Variants in CELF2 observed in about 807,000 individuals in gnomAD.
CELF2 encodes CUG triplet repeat RNA-binding protein 2.
Under a neutral mutation model 62.6 loss-of-function variants are expected in CELF2, and 8 were observed. That is an observed-to-expected ratio of 0.13 (90% CI 0.07 to 0.23). CELF2 has a LOEUF of 0.23. CELF2 is among the 10% of genes least tolerant of loss of function. CELF2 has a pLI of 1.00. For synonymous variants in CELF2, 258 were observed against 250.0 expected (o/e 1.03, Z -0.30); for missense variants, 333 against 671.0 (o/e 0.50, Z 5.56).
At chr10:10,807,439 T>C (rs2055348423) in intron 1 of CELF2, among the ~76,000 whole-genome samples, 1 of 152,244 alleles carries the variant, frequency 6.6e-6, no homozygotes, top group Non-Finnish European at 1.5e-5. Context: ...GGGCATTCCA[T>C]TCAAAGCCTT....
At chr10:10,975,282 T>G (rs923848971) in intron 2 of CELF2, among the ~76,000 whole-genome samples, 1 of 152,134 alleles carries the variant, frequency 6.6e-6, no homozygotes, top group Non-Finnish European at 1.5e-5. Flanking sequence ...TACGCCCAGC[T>G]AATTTTTTAA....
the CELF2 span, among the ~76,000 whole-genome samples, chr10:10,689,920 T>C: frequency 6.6e-6 from 1 of 152,086 alleles, no homozygotes; most frequent in South Asian, 2.1e-4. Flanking sequence ...ATTCAACAAG[T>C]ATATGTGGAG....
upstream of CELF2, among the ~76,000 whole-genome samples, chr10:11,003,686 T>C (rs146257752): frequency 5.1e-3 from 781 of 152,310 alleles, 5 homozygotes; most frequent in Admixed American, 0.018. This position sits in a 1 kb window ranked among gnomAD's most constrained non-coding sequence, Gnocchi z 4.4. Context: ...CTCAAACTGT[T>C]TCTCCCTAAG....
chr10:10,920,008 G>T, intron 2 of CELF2: 3 of 1,230,504 alleles, frequency 2.4e-6, no homozygotes, highest in East Asian at 3.2e-5. Flanking sequence ...AGGTGAGCAC[G>T]CTGGCTTTGC....
intron 2 of CELF2, among the ~76,000 whole-genome samples, chr10:10,921,522 C>A (rs2064910916): frequency 6.6e-6 from 1 of 152,232 alleles, no homozygotes; most frequent in South Asian, 2.1e-4. Flanking sequence ...CCTGTCTCGG[C>A]CTCCCAAGGT....
the CELF2 span, among the ~76,000 whole-genome samples, chr10:10,472,184 T>C: frequency 6.6e-6 from 1 of 151,830 alleles, no homozygotes; most frequent in African/African-American, 2.4e-5. Context: ...TCAAAATATT[T>C]TCATGCTTGT....
Position 11,167,670 on chromosome 10 carries a change from T to G in CELF2, c.271+1988T>G, listed in dbSNP as rs1429257674. 3.3e-5 allele frequency among the ~76,000 whole-genome samples: 5 copies of G among 152,236 alleles called. No individual in the cohort carries two copies. In the South Asian group the frequency reaches 6.2e-4, roughly 19 times the overall value. On this transcript the variant is annotated intron_variant, in intron 2 of 12. Coordinates refer to ENST00000633077, the MANE Select transcript of CELF2 (RefSeq NM_001326342.2). ...TGATACTATACATTTTGTTAACTTC[T>G]GTTCACTGTGCCTGATTACTAATTT...
At chr10:10,625,378 G>A in the CELF2 span, among the ~76,000 whole-genome samples, 14 of 152,256 alleles carry the variant, frequency 9.2e-5, no homozygotes, top group East Asian at 1.5e-3. Flanking sequence ...TGATGCTCAC[G>A]GCAACCTTTT....
chr10:11,047,829 G>A (rs1415373324), intron 1 of CELF2, among the ~76,000 whole-genome samples: 1 of 152,018 alleles, frequency 6.6e-6, no homozygotes, highest in Non-Finnish European at 1.5e-5. Flanking sequence ...TTTAGACAAA[G>A]TTTTATTTGT....
chr10:11,328,959 A>G lies in CELF2; in HGVS notation c.1472A>G (p.Gln491Arg), dbSNP rs1231393424. The G allele has an allele frequency of 6.2e-7, 1 of 1,613,168 alleles. No individual in the cohort carries two copies. The highest frequency in any genetic ancestry group is 1.7e-5 in the Admixed American group (1 of 59,982). ...FVSYDNPVSAQAAIQAMNGFQ... is the reference protein window; with the variant it reads ...FVSYDNPVSARAAIQAMNGFQ... ...AGCTACGACAATCCAGTCTCTGCACAAGCTGCTATCCAAGCTATGAATGGC... is the reference window on the plus strand; with the variant it reads ...AGCTACGACAATCCAGTCTCTGCACGAGCTGCTATCCAAGCTATGAATGGC... The change falls in exon 13 of 13, where the codon CAA becomes CGA. Residue 491 changes from glutamine to arginine, a missense_variant. By Grantham distance (43) the Gln-to-Arg change is conservative. This residue lies in a region of CELF2 where 35 missense variants were observed against 128.1 expected (regional missense o/e 0.27). Coordinates refer to ENST00000633077, the MANE Select transcript of CELF2 (RefSeq NM_001326342.2). This position sits in a 1 kb window ranked among gnomAD's most constrained non-coding sequence, Gnocchi z 6.4.
intron 2 of CELF2, among the ~76,000 whole-genome samples, chr10:10,967,064 C>T (rs1241201207): frequency 6.6e-6 from 1 of 152,128 alleles, no homozygotes; most frequent in Non-Finnish European, 1.5e-5. Context: ...ACCGGGCAGC[C>T]CCACGAACAA....
chr10:10,773,128 CTT>C, the CELF2 span, among the ~76,000 whole-genome samples: 1 of 152,160 alleles, frequency 6.6e-6, no homozygotes, highest in East Asian at 1.9e-4. Context: ...TAGGAAATCT[CTT>C]TAAACACAAA....
intron 1 of CELF2, among the ~76,000 whole-genome samples, chr10:10,907,296 A>T (rs2134253475): frequency 6.6e-6 from 1 of 152,340 alleles, no homozygotes; most frequent in African/African-American, 2.4e-5. Flanking sequence ...TTGACTATAA[A>T]TGGCAGATTT....
chr10:10,677,710 G>A, the CELF2 span, among the ~76,000 whole-genome samples: 5 of 152,160 alleles, frequency 3.3e-5, no homozygotes, highest in Admixed American at 6.5e-5. Context: ...TTGCTTGGAA[G>A]CAGCCTCATG....
chr10:10,754,509 C>T, the CELF2 span, among the ~76,000 whole-genome samples: 2 of 152,138 alleles, frequency 1.3e-5, no homozygotes, highest in Non-Finnish European at 2.9e-5. Flanking sequence ...TAGACAGCTT[C>T]AAATGATGAC....
intron 2 of CELF2, among the ~76,000 whole-genome samples, chr10:11,206,893 C>T (rs900058069): frequency 6.6e-6 from 1 of 152,238 alleles, no homozygotes; most frequent in Non-Finnish European, 1.5e-5. Flanking sequence ...GACAAATGCA[C>T]ACGTCACCCT....
At chr10:10,811,338 G>A (rs527673109) in intron 1 of CELF2, among the ~76,000 whole-genome samples, 1 of 152,208 alleles carries the variant, frequency 6.6e-6, no homozygotes, top group South Asian at 2.1e-4. Context: ...GCTTTTTAAA[G>A]GGAGAATGGG....
intron 2 of CELF2, among the ~76,000 whole-genome samples, chr10:11,169,756 G>C (rs547515596): frequency 1.3e-5 from 2 of 152,198 alleles, no homozygotes; most frequent in African/African-American, 4.8e-5. Context: ...GTCTGTCATG[G>C]GAATGGAAGG....
chr10:11,282,115 T>C (rs1272381959), intron 8 of CELF2, among the ~76,000 whole-genome samples: 1 of 152,190 alleles, frequency 6.6e-6, no homozygotes, highest in Non-Finnish European at 1.5e-5. Flanking sequence ...AACCCTATGC[T>C]GGACCAGCCC....
Sources: allele counts gnomAD v4.1 joint callset (sites outside exome capture counted in the v4.1 genomes callset), GRCh38; gene constraint gnomAD v4.1.1; regional missense constraint gnomAD v4.1.1; non-coding constraint Gnocchi (gnomAD v3.1); transcripts MANE v1.5; gene names NCBI Gene and HGNC (gene_info 2026-07-23, HGNC 2026-07-21).